The following GADL1 variants were observed in gnomAD, a reference collection of about 807,000 sequenced individuals.
The protein encoded by GADL1 is acidic amino acid decarboxylase GADL1.
Under a neutral mutation model 69.5 loss-of-function variants are expected in GADL1, and 71 were observed. That is an observed-to-expected ratio of 1.02 (90% CI 0.84 to 1.25). The LOEUF (loss-of-function observed/expected upper bound fraction) is 1.25, where lower values mean the gene tolerates loss of function less well. Ranked by LOEUF, GADL1 falls within the 50% of genes most tolerant of loss-of-function variation. The pLI, the probability that GADL1 is intolerant of heterozygous loss-of-function variation, is 0.00. For synonymous variants in GADL1, 254 were observed against 214.4 expected, an observed-to-expected ratio of 1.18 and a Z score of -1.62; for missense variants, 737 against 631.8, an observed-to-expected ratio of 1.17 and a Z score of -1.79.
intron 11 of GADL1, among the ~76,000 whole-genome samples, chr3:30,811,808 T>C (rs200107087): frequency 5.4e-5 from 8 of 149,260 alleles, no homozygotes; most frequent in African/African-American, 7.4e-5. Flanking sequence ...TGGTTTTTTT[T>C]CCCCCCAAAA....
At chr3:30,790,218 G>A (rs1278405662) in intron 12 of GADL1, among the ~76,000 whole-genome samples, 1 of 152,148 alleles carries the variant, frequency 6.6e-6, no homozygotes, top group Non-Finnish European at 1.5e-5. Flanking sequence ...TGGAAAGCCT[G>A]AAGAGGAGAG....
chr3:30,782,374 G>C (rs771867872), intron 13 of GADL1, among the ~76,000 whole-genome samples: 2 of 152,122 alleles, frequency 1.3e-5, no homozygotes, highest in African/African-American at 4.8e-5. Context: ...GGCTTTGGGA[G>C]TGGAGAAGAC....
intron 14 of GADL1, among the ~76,000 whole-genome samples, chr3:30,763,192 G>A (rs185752626): frequency 1.3e-5 from 2 of 152,220 alleles, no homozygotes; most frequent in African/African-American, 4.8e-5. Flanking sequence ...ACATACCCAT[G>A]ATCCCATCAT....
rs1009509633 is a variant in GADL1 at position 30,726,684 on chromosome 3, G to C, written c.*1558C>G. On this transcript the variant is annotated 3_prime_UTR_variant, in exon 15 of 15. Transcript: ENST00000282538. Reference sequence around the variant, plus strand: ...GGAGTACGAAAAGGTTATTGAATGTGCTAAGTCTAATGCTTTAACACTCTT... The same window carrying C: ...GGAGTACGAAAAGGTTATTGAATGTCCTAAGTCTAATGCTTTAACACTCTT... 6.6e-6 allele frequency: 1 copy of C among 152,092 alleles called. No individual in the cohort carries two copies. The highest frequency in any genetic ancestry group is 6.6e-5 in the Admixed American group (1 of 15,262). The allele number at this position is 152,092 out of a possible 1,614,324, so 9.4% of individuals were successfully genotyped here. A position where few individuals can be genotyped will look rare whatever the true frequency, so the allele number is the denominator to read the frequency against.
At chr3:30,884,525 T>C (rs1698679546) in intron 1 of GADL1, among the ~76,000 whole-genome samples, 4 of 152,060 alleles carry the variant, frequency 2.6e-5, no homozygotes, top group Admixed American at 2.6e-4. Context: ...ACTTCATCAG[T>C]AGCCAAAAAA....
intron 1 of GADL1, among the ~76,000 whole-genome samples, chr3:30,868,639 G>T (rs1476527439): frequency 6.6e-6 from 1 of 151,888 alleles, no homozygotes; most frequent in Non-Finnish European, 1.5e-5. Flanking sequence ...CTCAATAAAT[G>T]ATAACTATTA....
chr3:30,878,255 C>T (rs1016407398), intron 1 of GADL1, among the ~76,000 whole-genome samples: 3 of 151,864 alleles, frequency 2.0e-5, no homozygotes, highest in African/African-American at 7.2e-5. Flanking sequence ...AAATTAAGTT[C>T]TTATTTACGT....
At chr3:30,765,908 C>T (rs542482748) in intron 14 of GADL1, among the ~76,000 whole-genome samples, 1 of 152,000 alleles carries the variant, frequency 6.6e-6, no homozygotes, top group East Asian at 1.9e-4. Context: ...TTCCCAACTC[C>T]CCTCCCAAAT....
intron 11 of GADL1, among the ~76,000 whole-genome samples, chr3:30,816,722 T>G (rs1339502457): frequency 1.3e-5 from 2 of 151,714 alleles, no homozygotes; most frequent in African/African-American, 4.8e-5. Context: ...CTTTTTGTGT[T>G]TTTGGTAGAG....
chr3:30,859,454 C>G (rs953626972), intron 2 of GADL1, among the ~76,000 whole-genome samples: 1 of 151,676 alleles, frequency 6.6e-6, no homozygotes, highest in Admixed American at 6.6e-5. Context: ...ACATGACATT[C>G]TAGAAAAGGC....
chr3:30,733,280 T>C (rs1202753457), intron 14 of GADL1, among the ~76,000 whole-genome samples: 1 of 152,208 alleles, frequency 6.6e-6, no homozygotes, highest in African/African-American at 2.4e-5. Flanking sequence ...ATAAATTTCT[T>C]ATTGCAGACT....
intron 1 of GADL1, among the ~76,000 whole-genome samples, chr3:30,888,406 T>C (rs1329022965): frequency 6.6e-6 from 1 of 152,052 alleles, no homozygotes; most frequent in African/African-American, 2.4e-5. Flanking sequence ...GAAAACAGAA[T>C]CACCATCGTG....
At chr3:30,740,826 G>C (rs1488640533) in intron 14 of GADL1, among the ~76,000 whole-genome samples, 1 of 149,478 alleles carries the variant, frequency 6.7e-6, no homozygotes, top group Non-Finnish European at 1.5e-5. Flanking sequence ...CTGACTTTAC[G>C]TGTTGCAAGT....
At chr3:30,799,685 A>G (rs549626138) in intron 12 of GADL1, 1 of 152,160 alleles carries the variant, frequency 6.6e-6, no homozygotes, top group East Asian at 1.9e-4. Context: ...TCAGGCTGAA[A>G]ATTTTCTGAA....
chr3:30,768,564 G>C (rs1303994762), intron 14 of GADL1, among the ~76,000 whole-genome samples: 1 of 143,822 alleles, frequency 7.0e-6, no homozygotes, highest in Non-Finnish European at 1.5e-5. Context: ...AGAGAGAAGG[G>C]GTGGGGAGGG....
At chr3:30,728,956 C>G (rs1034048843) in intron 14 of GADL1, among the ~76,000 whole-genome samples, 1 of 138,896 alleles carries the variant, frequency 7.2e-6, no homozygotes, top group Non-Finnish European at 1.7e-5. Flanking sequence ...TATTTTGAAG[C>G]CTAAGTTTAT....
intron 14 of GADL1, among the ~76,000 whole-genome samples, chr3:30,743,614 A>G (rs780691912): frequency 6.6e-6 from 1 of 152,188 alleles, no homozygotes; most frequent in Non-Finnish European, 1.5e-5. Flanking sequence ...TACTTACAGA[A>G]CACAACCACT....
chr3:30,829,879 CTA>C (rs796079450), intron 11 of GADL1, among the ~76,000 whole-genome samples: 16 of 151,894 alleles, frequency 1.1e-4, no homozygotes, highest in African/African-American at 3.9e-4. Flanking sequence ...ATTATACACA[CTA>C]TTATGCAAAT....
intron 14 of GADL1, among the ~76,000 whole-genome samples, chr3:30,770,093 G>GT (rs1392048895): frequency 2.0e-5 from 3 of 152,204 alleles, no homozygotes; most frequent in African/African-American, 7.2e-5. Context: ...TAGGAGCTGA[G>GT]TAGAGGTTGT....
Sources: allele counts gnomAD v4.1 joint callset (sites outside exome capture counted in the v4.1 genomes callset), GRCh38; gene constraint gnomAD v4.1.1; transcripts MANE v1.5; gene names NCBI Gene and HGNC (gene_info 2026-07-23, HGNC 2026-07-21).